The following ADGRD1 variants were observed in gnomAD, a reference collection of about 807,000 sequenced individuals.
The protein encoded by ADGRD1 is G-protein coupled receptor 133.
Under a neutral mutation model 113.4 loss-of-function variants are expected in ADGRD1, and 77 were observed. The observed-to-expected ratio is 0.68, with a 90% confidence interval of 0.57 to 0.82. The LOEUF is 0.82. Among genes scored for constraint, ADGRD1 ranks in the 40% least tolerant of loss-of-function variants. The pLI, the probability that ADGRD1 is intolerant of heterozygous loss-of-function variation, is 0.00. For synonymous variants in ADGRD1, 474 were observed against 475.0 expected (o/e 1.00, Z 0.03); for missense variants, 1,036 against 1,139.1 (o/e 0.91, Z 1.30).
rs1340721640 is a variant in ADGRD1, at chr12:131,027,143, G to A, written c.1473+12803G>A. ...TTTCTTCCCATGGTCATTCCTTGGT[G>A]CACTGTAGATCCAGGATATTCCTAC... On this transcript the variant is annotated intron_variant, in intron 13 of 24. Coordinates refer to ENST00000261654, the MANE Select transcript of ADGRD1 (RefSeq NM_198827.5). This position sits in a 1 kb window ranked among gnomAD's most constrained non-coding sequence, Gnocchi z 5.1. 1 of 152,186 alleles carries A rather than the reference G, an allele frequency of 6.6e-6. No homozygotes were observed. The highest frequency in any genetic ancestry group is 2.1e-4 in the South Asian group (1 of 4,826). The allele number at this position is 152,186 out of a possible 1,614,324, so 9.4% of individuals were successfully genotyped here.
chr12:130,988,652 G>C (rs967674082), intron 6 of ADGRD1: 9 of 152,264 alleles, frequency 5.9e-5, no homozygotes, highest in African/African-American at 2.2e-4. Flanking sequence ...CATGATGTCA[G>C]TGGGAATCTC....
chr12:131,074,820 G>T (rs1392890019), intron 13 of ADGRD1, among the ~76,000 whole-genome samples: 1 of 152,190 alleles, frequency 6.6e-6, no homozygotes, highest in Admixed American at 6.5e-5. Flanking sequence ...GCGTGATCTT[G>T]GCTCCAGATC....
At chr12:131,028,424 G>A (rs1880230317) in intron 13 of ADGRD1, among the ~76,000 whole-genome samples, 1 of 152,008 alleles carries the variant, frequency 6.6e-6, no homozygotes, top group Non-Finnish European at 1.5e-5. Flanking sequence ...GGTGTCTGCT[G>A]GTGGACAGCA....
At chr12:131,093,374 G>A (rs530638550) in intron 15 of ADGRD1, among the ~76,000 whole-genome samples, 1 of 152,302 alleles carries the variant, frequency 6.6e-6, no homozygotes, top group Admixed American at 6.5e-5. Context: ...AGGGCACCGT[G>A]GGGGCACACC....
chr12:131,087,247 C>A (rs888174942), intron 15 of ADGRD1, among the ~76,000 whole-genome samples: 1 of 152,214 alleles, frequency 6.6e-6, no homozygotes, highest in African/African-American at 2.4e-5. Context: ...TGGGGCCTCA[C>A]TTTGTGGCCC....
At chr12:130,987,072 T>C (rs1873778496) in intron 5 of ADGRD1, 23 bp from the exon 6 acceptor site, 1 of 1,611,110 alleles carries the variant, frequency 6.2e-7, no homozygotes, top group East Asian at 2.2e-5. Flanking sequence ...GTACTCAGAA[T>C]GGCGATCTTC....
At position 130,954,588 on chromosome 12, in the gene ADGRD1, CTGAG is replaced by C. The variant is rs78215039; in HGVS notation, c.67-33_67-30del. 1.1e-5 allele frequency: 18 copies of C among 1,614,040 alleles called. No homozygotes were observed. Among genetic ancestry groups the C allele is most frequent in the Non-Finnish European group, 1.4e-5 (17 of 1,179,930 alleles). ...GGCTTGGTTTCTCCGGAGGCTTTCCCTGAGTGTGTCTCACACTGTGGTCTTTTGT... is the reference window on the plus strand; with the variant it reads ...GGCTTGGTTTCTCCGGAGGCTTTCCCTGTGTCTCACACTGTGGTCTTTTGT... On this transcript the variant is annotated intron_variant, in intron 1 of 24. Coordinates refer to ENST00000261654, the MANE Select transcript of ADGRD1 (RefSeq NM_198827.5). The surrounding 1 kb of genome is among the most constrained non-coding windows in gnomAD (Gnocchi z 4.7).
At chr12:131,088,871 G>C in intron 15 of ADGRD1, among the ~76,000 whole-genome samples, 1 of 152,216 alleles carries the variant, frequency 6.6e-6, no homozygotes, top group East Asian at 1.9e-4. Flanking sequence ...TTACTTCTGA[G>C]CCATATGTGA....
chr12:131,102,527 C>T lies in ADGRD1; in HGVS notation c.1672-2304C>T, dbSNP rs932122337. ...CTCGGGCCCCCGGGAGGCCCCTGTTCGCCCACAGCGTCCCAGGTGCCCTGG... is the reference window on the plus strand; with the variant it reads ...CTCGGGCCCCCGGGAGGCCCCTGTTTGCCCACAGCGTCCCAGGTGCCCTGG... On this transcript the variant is annotated intron_variant, in intron 15 of 24. Transcript: ENST00000261654. Among the ~76,000 whole-genome samples, 31 of 152,324 alleles carry T rather than the reference C, an allele frequency of 2.0e-4. 1 individual carries two copies. The highest frequency in any genetic ancestry group is 1.6e-3 in the Admixed American group (24 of 15,310).
chr12:131,125,123 A>T, intron 20 of ADGRD1, among the ~76,000 whole-genome samples: 1 of 152,224 alleles, frequency 6.6e-6, no homozygotes, highest in East Asian at 1.9e-4. Flanking sequence ...TCATTGGATT[A>T]AAGCTCACCC....
At position 130,971,544 on chromosome 12, in the gene ADGRD1, T is replaced by C. The variant is rs751928854; in HGVS notation, c.274T>C (p.Ser92Pro). Residue 92 changes from serine to proline, a missense_variant, in exon 4 of 25, where the codon TCC becomes CCC. Coordinates refer to ENST00000261654, the MANE Select transcript of ADGRD1 (RefSeq NM_198827.5). This position sits in a 1 kb window ranked among gnomAD's most constrained non-coding sequence, Gnocchi z 4.2. ...TLLYYGRYNSSCISKPEQCGP... is the reference protein window; with the variant it reads ...TLLYYGRYNSPCISKPEQCGP... ...TCTCTATTACGGCAGGTACAACAGCTCCTGCATCAGCAAGCCAGAGCAGTG... is the reference window on the plus strand; with the variant it reads ...TCTCTATTACGGCAGGTACAACAGCCCCTGCATCAGCAAGCCAGAGCAGTG... The C allele has an allele frequency of 6.2e-7, 1 of 1,613,014 alleles. No individual in the cohort carries two copies. The highest frequency in any genetic ancestry group is 1.7e-5 in the Admixed American group (1 of 59,860).
At chr12:130,969,017 T>C (rs1871315165) in intron 3 of ADGRD1, 2 of 1,535,332 alleles carry the variant, frequency 1.3e-6, no homozygotes, top group Admixed American at 2.0e-5. Flanking sequence ...CTTCCCGTAA[T>C]GCTACTTTTG....
chr12:131,064,567 A>G (rs1884570247), intron 13 of ADGRD1, among the ~76,000 whole-genome samples: 1 of 152,222 alleles, frequency 6.6e-6, no homozygotes, highest in Non-Finnish European at 1.5e-5. Context: ...GGAGAATACT[A>G]TCATCTTTTG....
At position 130,980,501 on chromosome 12, in the gene ADGRD1, A is replaced by C. The variant is rs1407664857; in HGVS notation, c.311-1383A>C. The stretch of plus-strand genomic sequence containing the variant: ...CAACCTCTGCCTCCGTGGTTCAAAC[A>C]ATTCTCCTGCCTCAGCCTCCTGAGT... On this transcript the variant is annotated intron_variant, in intron 4 of 24. Transcript: ENST00000261654. Among the ~76,000 whole-genome samples, 10 of 141,786 alleles carry C rather than the reference A, an allele frequency of 7.1e-5. No homozygotes were observed. In the East Asian group the frequency reaches 8.6e-4, roughly 12 times the overall value. The allele number at this position is 141,786 out of a possible 152,430, so 93.0% of individuals were successfully genotyped here.
chr12:131,080,822 G>A (rs902669997), intron 14 of ADGRD1, among the ~76,000 whole-genome samples: 11 of 152,118 alleles, frequency 7.2e-5, no homozygotes, highest in South Asian at 2.1e-4. Flanking sequence ...GGGTTTCACC[G>A]TGTTAGCCAG....
chr12:131,032,315 C>T (rs542399531), intron 13 of ADGRD1, among the ~76,000 whole-genome samples: 8 of 152,302 alleles, frequency 5.3e-5, no homozygotes, highest in Admixed American at 1.3e-4. Context: ...TTGTGCCACT[C>T]GCGACCCCGC....
chr12:131,136,047 A>G lies in ADGRD1; in HGVS notation c.2278A>G (p.Lys760Glu). Residue 760 changes from lysine to glutamate, a missense_variant, in exon 22 of 25, where the codon AAG becomes GAG. Transcript: ENST00000261654. The part of the protein sequence containing the change: ...GDPSAFKLTA[K>E]AVAVLLPILG... ...ACTGTTTCTCTCCAGGTTGACAGCC[A>G]AGGCAGTGGCCGTGCTGCTGCCCAT... The G allele has an allele frequency of 1.2e-6, 2 of 1,614,132 alleles. No individual in the cohort carries two copies. Among genetic ancestry groups the G allele is most frequent in the Non-Finnish European group, 1.7e-6 (2 of 1,179,986 alleles).
intron 14 of ADGRD1, among the ~76,000 whole-genome samples, chr12:131,078,220 A>C (rs4759838): frequency 6.6e-6 from 1 of 152,148 alleles, no homozygotes; most frequent in Non-Finnish European, 1.5e-5. Context: ...GTGCAGCAGC[A>C]GGTCGGCATA....
intron 12 of ADGRD1, 113 bp downstream of exon 12, chr12:131,006,160 T>C (rs986755508): frequency 4.1e-5 from 38 of 927,916 alleles, no homozygotes; most frequent in Middle Eastern, 2.3e-4. Context: ...TGGACACGAG[T>C]ACCGGGCGCT....
Sources: gnomAD v4.1 joint callset for allele counts (sites outside exome capture counted in the v4.1 genomes callset) on GRCh38, gnomAD v4.1.1 for gene constraint, Gnocchi (gnomAD v3.1) non-coding constraint, MANE v1.5 for transcripts, NCBI Gene and HGNC (gene_info 2026-07-23, HGNC 2026-07-21) for gene names.